The following KRT75 variants were observed in gnomAD, a reference collection of about 807,000 sequenced individuals.
KRT75 encodes keratin 75, also known as keratin, type II cytoskeletal 75.
In KRT75, 35 loss-of-function variants were observed where a neutral mutation model predicts 48.8. The ratio of observed to expected loss-of-function variants is 0.72; its 90% confidence interval spans 0.55 to 0.95. The LOEUF is 0.95. Ranked by LOEUF, KRT75 falls within the 40% of genes least tolerant of loss-of-function variation. The pLI is 0.00. For missense variants in KRT75, 776 were observed against 709.9 expected, an observed-to-expected ratio of 1.09 and a Z score of -1.06; for synonymous variants, 301 against 282.3, an observed-to-expected ratio of 1.07 and a Z score of -0.66.
chr12:52,427,816 C>T (rs1000671334), intron 7 of KRT75, among the ~76,000 whole-genome samples: 9 of 152,118 alleles, frequency 5.9e-5, no homozygotes, highest in African/African-American at 7.2e-5. Context: ...TGAAGCTTTG[C>T]GGATCATGTA....
chr12:52,425,854 C>A (rs962269577), intron 8 of KRT75, among the ~76,000 whole-genome samples: 1 of 152,146 alleles, frequency 6.6e-6, no homozygotes, highest in South Asian at 2.1e-4. Context: ...TGCTTTAAAC[C>A]ACCTGACTGG....
chr12:52,433,099 T>C lies in KRT75; in HGVS notation c.652A>G (p.Arg218Gly). ...CTCAGTTCAGCTTCAAGCCTGCCCC[T>C]CTCGGTGGTGATGCTTTCCAGCTGC... The part of the protein sequence containing the change: ...RRQLESITTE[R>G]GRLEAELRNM... The change falls in exon 2 of 9, where the codon AGG (arginine) becomes GGG (glycine). Residue 218 changes from arginine (R) to glycine (G), a missense_variant. By Grantham distance (125) the Arg-to-Gly change is moderately radical. Coordinates refer to ENST00000252245, the MANE Select transcript of KRT75 (RefSeq NM_004693.3). 1 of 1,613,802 alleles carries C rather than the reference T, an allele frequency of 6.2e-7. No individual in the cohort carries two copies. Among genetic ancestry groups the C allele is most frequent in the South Asian group, 1.1e-5 (1 of 91,042 alleles).
chr12:52,432,530 C>G (rs1203249129), intron 2 of KRT75, among the ~76,000 whole-genome samples: 1 of 152,156 alleles, frequency 6.6e-6, no homozygotes. Flanking sequence ...GGCAAGCTGG[C>G]TAATGGGTTA....
Position 52,434,168 on chromosome 12 carries a change from C to T in KRT75, c.137G>A (p.Gly46Asp), listed in dbSNP as rs1223607735. 2 of 1,612,876 alleles carry T rather than the reference C, an allele frequency of 1.2e-6. No individual in the cohort carries two copies. Among genetic ancestry groups the T allele is most frequent in the Non-Finnish European group, 1.7e-6 (2 of 1,179,316 alleles). Residue 46 changes from glycine to aspartate, a missense_variant, in exon 1 of 9, where the codon GGC becomes GAC. Gly to Asp is a moderately conservative substitution (Grantham distance 94). Transcript: ENST00000252245. Reference protein sequence around the residue: ...SVARSAAGSGGLGRISSAGAS... With the variant: ...SVARSAAGSGDLGRISSAGAS... ...CCCAGCACTGCTGATCCTTCCCAGG[C>T]CCCCACTCCCTGCTGCAGAGCGGGC... is the stretch of plus-strand genomic sequence containing the variant.
At chr12:52,428,931 T>C (rs1456308071) in intron 5 of KRT75, among the ~76,000 whole-genome samples, 188 bp from the exon 6 acceptor site, 1 of 152,228 alleles carries the variant, frequency 6.6e-6, no homozygotes, top group East Asian at 1.9e-4. Flanking sequence ...ATCAAATGTA[T>C]AGTTCCACAC....
rs1319182276 is a variant in KRT75, at chr12:52,428,074, C to T, written c.1382+182G>A. ...TCTATGGGGATGCTAACTGTAGTTG[C>T]ACCTCAAATGATTTACTAGCCTGGA... On this transcript the variant is annotated intron_variant, in intron 7 of 8. Coordinates refer to ENST00000252245, the MANE Select transcript of KRT75 (RefSeq NM_004693.3). The T allele has an allele frequency of 4.0e-6, 3 of 754,198 alleles. No individual in the cohort carries two copies. In the African/African-American group the frequency reaches 5.2e-5, roughly 13 times the overall value. The allele number at this position is 754,198 out of a possible 1,614,324, so 46.7% of individuals were successfully genotyped here.
chr12:52,426,277 G>A (rs1381186340), intron 8 of KRT75, among the ~76,000 whole-genome samples: 1 of 152,190 alleles, frequency 6.6e-6, no homozygotes, highest in Non-Finnish European at 1.5e-5. Flanking sequence ...ATTTTATGCT[G>A]CCCTTACTGC....
chr12:52,431,625 G>A lies in KRT75; in HGVS notation c.788C>T (p.Ala263Val). 6.2e-7 allele frequency: 1 copy of A among 1,613,550 alleles called. No homozygotes were observed. The highest frequency in any genetic ancestry group is 8.5e-7 in the Non-Finnish European group (1 of 1,179,452). ...TTCCAGCTCCACCTTGTTCATATAG[G>A]CAGCATCTACGTCCTGGAATGACAG... ...FVALKKDVDAAYMNKVELEAK... is the reference protein window; with the variant it reads ...FVALKKDVDAVYMNKVELEAK... The change falls in exon 4 of 9, where the codon GCC becomes GTC. Residue 263 changes from alanine (A) to valine (V), a missense_variant. By Grantham distance (64) the Ala-to-Val change is moderately conservative. Transcript: ENST00000252245.
rs953216218 is a variant in KRT75, at chr12:52,433,260, G to C, written c.499-8C>G. 2.5e-6 allele frequency: 4 copies of C among 1,610,170 alleles called. No individual in the cohort carries two copies. Among genetic ancestry groups the C allele is most frequent in the Non-Finnish European group, 3.4e-6 (4 of 1,176,662 alleles). ...CTGCTCCAAGAACCTCACCTGGAGG[G>C]AAGAAGAGAGAATGAAACCTTGAGA... On this transcript the variant is annotated splice_polypyrimidine_tract_variant and splice_region_variant and intron_variant, in intron 1 of 8. Transcript: ENST00000252245.
rs763434871 is a variant in KRT75 at position 52,430,571 on chromosome 12, C to A, written c.1005G>T (p.Arg335=). Residue 335 remains arginine (R), a synonymous_variant, in exon 5 of 9, where the codon CGG becomes CGT. Transcript: ENST00000252245. ...TCTGGTACCAGGACTCAGCCTCGGC[C>A]CGGCTGCGGTTGGCAATGTCCTCGT... ...AQYEDIANRS[R]AEAESWYQTK... is the part of the protein sequence containing the mutation. The A allele has an allele frequency of 3.0e-4, 492 of 1,614,124 alleles. 7 individuals are homozygous for A. In the South Asian group the frequency reaches 3.3e-3, roughly 11 times the overall value.
At position 52,426,866 on chromosome 12, in the gene KRT75, C is replaced by G; in HGVS notation, c.1383-15G>C. The stretch of plus-strand genomic sequence containing the variant: ...CTCCACTCAACCTGATTGGGAAGAG[C>G]AGGGAGAAGGAAGGTTACCAATGTG... On this transcript the variant is annotated splice_polypyrimidine_tract_variant and intron_variant, in intron 7 of 8. Coordinates refer to ENST00000252245, the MANE Select transcript of KRT75 (RefSeq NM_004693.3). The G allele has an allele frequency of 6.2e-7, 1 of 1,613,840 alleles. No individual in the cohort carries two copies. Among genetic ancestry groups the G allele is most frequent in the Non-Finnish European group, 8.5e-7 (1 of 1,179,738 alleles).
rs539415409 is a variant in KRT75 at position 52,426,048 on chromosome 12, A to C, written c.1417+769T>G. 6.6e-5 allele frequency among the ~76,000 whole-genome samples: 10 copies of C among 152,350 alleles called. No homozygotes were observed. The South Asian group carries it at 2.1e-3, about 32-fold the overall frequency. On this transcript the variant is annotated intron_variant, in intron 8 of 8. Coordinates refer to ENST00000252245, the MANE Select transcript of KRT75 (RefSeq NM_004693.3). ...GGTGGTTCAGAGGGCTCTGCCTTCT[A>C]GAATCATTGGCTAATATAATGAATT...
chr12:52,425,854 C>T (rs962269577), intron 8 of KRT75, among the ~76,000 whole-genome samples: 34 of 152,264 alleles, frequency 2.2e-4, no homozygotes, highest in African/African-American at 7.9e-4. Flanking sequence ...TGCTTTAAAC[C>T]ACCTGACTGG....
Position 52,434,274 on chromosome 12 carries a change from AC to A in KRT75, c.30del (p.Gln10HisfsTer122). 6.3e-7 allele frequency: 1 copy of A among 1,587,192 alleles called. No individual in the cohort carries two copies. Among genetic ancestry groups the A allele is most frequent in the South Asian group, 1.1e-5 (1 of 87,776 alleles). Reference protein sequence around the residue: MSRQSSITFQSGSRRGFSTT... With the variant: MSRQSSITFXSGSRRGFSTT... ...GTGCTGAAGCCCCTGCGGCTGCCAGACTGGAAGGTGATGGAGGACTGCCGAG... is the reference window on the plus strand; with the variant it reads ...GTGCTGAAGCCCCTGCGGCTGCCAGATGGAAGGTGATGGAGGACTGCCGAG... On this transcript the variant is annotated frameshift_variant, in exon 1 of 9. Transcript: ENST00000252245. LOFTEE classifies it high-confidence loss of function.
chr12:52,426,042 C>T (rs1284916401), intron 8 of KRT75, among the ~76,000 whole-genome samples: 2 of 152,172 alleles, frequency 1.3e-5, no homozygotes, highest in Non-Finnish European at 2.9e-5. Flanking sequence ...GAGGGCTCTG[C>T]CTTCTAGAAT....
At position 52,428,458 on chromosome 12, in the gene KRT75, C is replaced by T. The variant is rs1201982721; in HGVS notation, c.1180G>A (p.Ala394Thr). The T allele has an allele frequency of 1.2e-6, 2 of 1,613,580 alleles. No homozygotes were observed. The highest frequency in any genetic ancestry group is 1.7e-6 in the Non-Finnish European group (2 of 1,179,820). ...CCCCGCTGCTCTGCATCAGCAATGG[C>T]CGTTTGCAAGCTGGAACACTGTAAG... ...VKKQCSSLQT[A>T]IADAEQRGEL... Residue 394 changes from alanine to threonine, a missense_variant, in exon 7 of 9, where the codon GCC becomes ACC. Coordinates refer to ENST00000252245, the MANE Select transcript of KRT75 (RefSeq NM_004693.3).
rs574326223 is a variant in KRT75, at chr12:52,424,796, C to T, written c.1418-41G>A. On this transcript the variant is annotated intron_variant, in intron 8 of 8. Transcript: ENST00000252245. ...GAGGTGTGGTCAGATCAAGTGCAAGCGAGAAGACAGCTGGGAGTGTGAGGG... is the reference window on the plus strand; with the variant it reads ...GAGGTGTGGTCAGATCAAGTGCAAGTGAGAAGACAGCTGGGAGTGTGAGGG... 1.3e-4 allele frequency: 191 copies of T among 1,496,026 alleles called. 1 individual carries two copies. In the Admixed American group the frequency reaches 1.8e-3, roughly 14 times the overall value. 92.7% of individuals were successfully genotyped at this position (1,496,026 alleles called of 1,614,324 possible). A position where few individuals can be genotyped will look rare whatever the true frequency, so the allele number is the denominator to read the frequency against.
chr12:52,428,888 G>A, intron 5 of KRT75, 145 bp from the exon 6 acceptor site: 1 of 952,588 alleles, frequency 1.0e-6, no homozygotes, highest in South Asian at 1.3e-5. Flanking sequence ...ACAGTTTATT[G>A]GGGGACATAG....
intron 5 of KRT75, among the ~76,000 whole-genome samples, chr12:52,429,629 C>T (rs550669614): frequency 1.3e-5 from 2 of 152,182 alleles, no homozygotes; most frequent in Admixed American, 6.5e-5. Flanking sequence ...CGTTTGCTAT[C>T]GATTTCAACC....
Sources: gnomAD v4.1 joint callset for allele counts (sites outside exome capture counted in the v4.1 genomes callset) on GRCh38, gnomAD v4.1.1 for gene constraint, MANE v1.5 for transcripts, NCBI Gene and HGNC (gene_info 2026-07-23, HGNC 2026-07-21) for gene names.